Variants in ATRNL1 observed in about 807,000 individuals in gnomAD.
ATRNL1 encodes attractin-like protein 1.
ATRNL1 carries 95 observed loss-of-function variants against 182.7 expected under a neutral mutation model. That is an observed-to-expected ratio of 0.52 (90% confidence interval 0.44 to 0.62). ATRNL1 has a LOEUF of 0.62. Ranked by LOEUF, ATRNL1 falls within the 20% of genes least tolerant of loss-of-function variation. The pLI, the probability that ATRNL1 is intolerant of heterozygous loss-of-function variation, is 0.00. For synonymous variants in ATRNL1, 576 were observed against 568.3 expected, an observed-to-expected ratio of 1.01 and a Z score of -0.19; for missense variants, 1,471 against 1,679.5, an observed-to-expected ratio of 0.88 and a Z score of 2.17.
At chr10:115,609,766 A>G (rs191483750) in intron 26 of ATRNL1, among the ~76,000 whole-genome samples, 274 of 152,236 alleles carry the variant, frequency 1.8e-3, no homozygotes, top group African/African-American at 6.0e-3. Flanking sequence ...GAAAGGAGTG[A>G]ATCTGAGAGT....
chr10:115,378,071 T>A (rs1398950088), intron 19 of ATRNL1, among the ~76,000 whole-genome samples: 2 of 152,152 alleles, frequency 1.3e-5, no homozygotes, highest in Non-Finnish European at 2.9e-5. Flanking sequence ...GTATCCGAGA[T>A]GGACTGGGAC....
chr10:115,862,244 C>G (rs1170202097), intron 28 of ATRNL1, among the ~76,000 whole-genome samples: 3 of 152,164 alleles, frequency 2.0e-5, no homozygotes, highest in African/African-American at 7.2e-5. Flanking sequence ...CATATAAAAA[C>G]AAGCCAAATT....
chr10:115,771,954 C>A (rs1177314044), intron 27 of ATRNL1, among the ~76,000 whole-genome samples: 1 of 152,188 alleles, frequency 6.6e-6, no homozygotes, highest in African/African-American at 2.4e-5. Context: ...TCTTGGATAA[C>A]CACTGTTTAG....
At chr10:115,705,613 A>G (rs1490411969) in intron 26 of ATRNL1, among the ~76,000 whole-genome samples, 12 of 151,912 alleles carry the variant, frequency 7.9e-5, no homozygotes, top group Admixed American at 7.2e-4. Context: ...AAAATTATGC[A>G]GGTACTATAA....
At chr10:115,832,838 T>G (rs1342047853) in intron 27 of ATRNL1, among the ~76,000 whole-genome samples, 3 of 152,150 alleles carry the variant, frequency 2.0e-5, no homozygotes, top group Non-Finnish European at 4.4e-5. Flanking sequence ...TATCTGATAC[T>G]CACACCTGAA....
intron 22 of ATRNL1, among the ~76,000 whole-genome samples, chr10:115,465,882 T>C (rs1419328631): frequency 2.0e-5 from 3 of 151,560 alleles, no homozygotes; most frequent in African/African-American, 7.2e-5. Flanking sequence ...CTTATTTGCC[T>C]CCTGGAAACT....
chr10:115,519,584 C>A (rs1321482753), intron 25 of ATRNL1, among the ~76,000 whole-genome samples: 2 of 152,078 alleles, frequency 1.3e-5, no homozygotes, highest in Non-Finnish European at 2.9e-5. Context: ...TCCCCCATCA[C>A]ATAAATAATT....
chr10:115,595,061 A>G (rs1592918257), intron 26 of ATRNL1, among the ~76,000 whole-genome samples: 1 of 152,222 alleles, frequency 6.6e-6, no homozygotes. Context: ...TCATCCATAA[A>G]CATTCATGTA....
intron 28 of ATRNL1, among the ~76,000 whole-genome samples, chr10:115,893,708 G>A (rs1469722288): frequency 1.3e-5 from 2 of 152,190 alleles, no homozygotes; most frequent in Non-Finnish European, 2.9e-5. Context: ...CTGCGGCTGG[G>A]CAGCAGAGGT....
intron 27 of ATRNL1, among the ~76,000 whole-genome samples, chr10:115,808,228 G>A (rs1555086070): frequency 1.3e-5 from 2 of 152,026 alleles, no homozygotes; most frequent in East Asian, 1.9e-4. Context: ...GACATTATTC[G>A]AAAGATGTTG....
At chr10:115,443,597 G>A (rs78448392) in intron 21 of ATRNL1, among the ~76,000 whole-genome samples, 2,827 of 151,928 alleles carry the variant, frequency 0.019, 106 homozygotes, top group African/African-American at 0.065. Flanking sequence ...CCTCCTATAA[G>A]ATAAGGATTT....
intron 28 of ATRNL1, among the ~76,000 whole-genome samples, chr10:115,868,610 G>A (rs1951494423): frequency 6.6e-6 from 1 of 152,070 alleles, no homozygotes; most frequent in Non-Finnish European, 1.5e-5. Flanking sequence ...CAGAGACACA[G>A]AAGCCCTAAA....
chr10:115,547,468 C>A (rs2133804478), intron 25 of ATRNL1, among the ~76,000 whole-genome samples: 1 of 151,970 alleles, frequency 6.6e-6, no homozygotes, highest in Admixed American at 6.6e-5. Context: ...GGATAAGATG[C>A]TCTCATTTTG....
chr10:115,253,159 C>A (rs1414084385), intron 10 of ATRNL1, among the ~76,000 whole-genome samples: 8 of 152,124 alleles, frequency 5.3e-5, no homozygotes, highest in Non-Finnish European at 1.0e-4. Flanking sequence ...ACAATCAATG[C>A]CTTTGCAAGA....
At chr10:115,319,184 T>C (rs537120079) in intron 18 of ATRNL1, among the ~76,000 whole-genome samples, 29 of 152,340 alleles carry the variant, frequency 1.9e-4, no homozygotes, top group African/African-American at 6.5e-4. Flanking sequence ...TCAATTTCCA[T>C]GTAAGTGTGT....
At chr10:115,215,636 T>C (rs1849201192) in intron 8 of ATRNL1, 61 bp from the exon 9 acceptor site, 1 of 1,258,296 alleles carries the variant, frequency 7.9e-7, no homozygotes, top group African/African-American at 1.6e-5. Context: ...ATTTTGGTGA[T>C]ATATTAGTTA....
intron 16 of ATRNL1, 126 bp from the exon 17 acceptor site, chr10:115,301,729 A>G (rs1264777050): frequency 5.8e-6 from 4 of 692,410 alleles, no homozygotes; most frequent in African/African-American, 5.5e-5. Context: ...TATCTACCTC[A>G]TCATATTATA....
chr10:115,177,598 T>C (rs1259587870), intron 8 of ATRNL1, among the ~76,000 whole-genome samples: 5 of 152,140 alleles, frequency 3.3e-5, no homozygotes, highest in African/African-American at 9.7e-5. Flanking sequence ...CAGTTGTCAG[T>C]TGATGTGTCC....
intron 28 of ATRNL1, among the ~76,000 whole-genome samples, chr10:115,931,975 G>T (rs1487197356): frequency 2.0e-5 from 3 of 152,206 alleles, no homozygotes; most frequent in Non-Finnish European, 4.4e-5. Flanking sequence ...GAAAATTCCA[G>T]ATCACTCTGA....
Sources: allele counts gnomAD v4.1 joint callset (sites outside exome capture counted in the v4.1 genomes callset), GRCh38; gene constraint gnomAD v4.1.1; transcripts MANE v1.5; gene names NCBI Gene and HGNC (gene_info 2026-07-23, HGNC 2026-07-21).